Variants in FAM171A1 observed in about 807,000 individuals in gnomAD.
FAM171A1 encodes family with sequence similarity 171 member A1, also known as protein FAM171A1.
FAM171A1 carries 23 observed loss-of-function variants against 74.9 expected under a neutral mutation model. The ratio of observed to expected loss-of-function variants is 0.31; its 90% CI spans 0.22 to 0.44. FAM171A1 has a LOEUF of 0.44. FAM171A1 is among the 20% of genes least tolerant of loss of function. FAM171A1 has a pLI of 1.00. For missense variants in FAM171A1, 1,162 were observed against 1,159.2 expected (o/e 1.00, Z -0.03); for synonymous variants, 527 against 505.7 (o/e 1.04, Z -0.57).
chr10:15,243,475 T>C (rs895094449), intron 5 of FAM171A1, among the ~76,000 whole-genome samples: 4 of 152,150 alleles, frequency 2.6e-5, no homozygotes, highest in Non-Finnish European at 2.9e-5. Flanking sequence ...GAACTGTATA[T>C]AAAGTCCACC....
chr10:15,296,345 T>C (rs1384449337), intron 1 of FAM171A1, among the ~76,000 whole-genome samples: 2 of 152,118 alleles, frequency 1.3e-5, no homozygotes, highest in African/African-American at 2.4e-5. Context: ...TAACAGATTA[T>C]TTAATATGTA....
chr10:15,248,827 A>G lies in FAM171A1; in HGVS notation c.578-12T>C, dbSNP rs1284715004. On this transcript the variant is annotated splice_polypyrimidine_tract_variant and intron_variant, in intron 4 of 7. Transcript: ENST00000378116. Reference sequence around the variant, plus strand: ...CCTGGTGCTGTTTCCTAGAAGGAAGAGGCATTTTCCATCATTTGCATGCAA... The same window carrying G: ...CCTGGTGCTGTTTCCTAGAAGGAAGGGGCATTTTCCATCATTTGCATGCAA... 6.3e-7 allele frequency: 1 copy of G among 1,593,882 alleles called. No individual in the cohort carries two copies. The highest frequency in any genetic ancestry group is 1.1e-5 in the South Asian group (1 of 87,682).
At chr10:15,225,003 C>T (rs1189466841) in intron 5 of FAM171A1, among the ~76,000 whole-genome samples, 1 of 152,188 alleles carries the variant, frequency 6.6e-6, no homozygotes, top group African/African-American at 2.4e-5. Context: ...AGTGTTTTTC[C>T]AGAGGCCTTT....
intron 1 of FAM171A1, among the ~76,000 whole-genome samples, chr10:15,288,130 T>C (rs776777588): frequency 6.6e-6 from 1 of 152,248 alleles, no homozygotes; most frequent in African/African-American, 2.4e-5. Context: ...TTCCATAGTA[T>C]ATATATACCA....
intron 1 of FAM171A1, among the ~76,000 whole-genome samples, chr10:15,309,485 C>T (rs1337993708): frequency 2.0e-5 from 3 of 152,248 alleles, no homozygotes; most frequent in Admixed American, 6.5e-5. Context: ...GGATTACAAG[C>T]GTAAGCCACT....
At chr10:15,346,178 C>T (rs1835815565) in intron 1 of FAM171A1, among the ~76,000 whole-genome samples, 2 of 152,194 alleles carry the variant, frequency 1.3e-5, no homozygotes, top group African/African-American at 4.8e-5. Flanking sequence ...TCACTGCAGC[C>T]TCCAACTCCT....
At chr10:15,360,641 T>C (rs1300489094) in intron 1 of FAM171A1, among the ~76,000 whole-genome samples, 4 of 152,220 alleles carry the variant, frequency 2.6e-5, no homozygotes, top group African/African-American at 9.6e-5. Context: ...GCAAACATCA[T>C]GAATGGGTAA....
chr10:15,243,951 C>A (rs1439920849), intron 5 of FAM171A1, among the ~76,000 whole-genome samples: 6 of 152,114 alleles, frequency 3.9e-5, no homozygotes, highest in Non-Finnish European at 4.4e-5. Flanking sequence ...GAGGTTTCAC[C>A]GTGTTAGCCA....
chr10:15,299,299 T>C (rs1055952214), intron 1 of FAM171A1, among the ~76,000 whole-genome samples: 2 of 152,182 alleles, frequency 1.3e-5, no homozygotes, highest in Non-Finnish European at 2.9e-5. Flanking sequence ...AACTGCTTAG[T>C]TAATGAGCAG....
At chr10:15,247,533 A>G (rs951496625) in intron 5 of FAM171A1, among the ~76,000 whole-genome samples, 1 of 151,612 alleles carries the variant, frequency 6.6e-6, no homozygotes, top group East Asian at 1.9e-4. Context: ...CCTGGTATTC[A>G]CTCCCCTGTA....
intron 1 of FAM171A1, among the ~76,000 whole-genome samples, chr10:15,331,859 G>GTGTATATATATATATATA (rs60559617): frequency 2.2e-5 from 1 of 44,952 alleles, no homozygotes; most frequent in Non-Finnish European, 4.2e-5. Context: ...ATATATGTGT[G>GTGTATATATATATATATA]TATATATATG....
chr10:15,348,181 G>A (rs980453506), intron 1 of FAM171A1, among the ~76,000 whole-genome samples: 3 of 152,084 alleles, frequency 2.0e-5, no homozygotes, highest in African/African-American at 7.2e-5. Flanking sequence ...GTTTCACCAT[G>A]TTGGCCAGGC....
At chr10:15,309,268 G>T (rs1835331268) in intron 1 of FAM171A1, among the ~76,000 whole-genome samples, 1 of 152,282 alleles carries the variant, frequency 6.6e-6, no homozygotes, top group South Asian at 2.1e-4. Context: ...GAGTGCAGGG[G>T]CACGATCATG....
upstream of FAM171A1, among the ~76,000 whole-genome samples, chr10:15,374,114 GGTT>G (rs1193362640): frequency 6.6e-6 from 1 of 152,158 alleles, no homozygotes; most frequent in African/African-American, 2.4e-5. Context: ...TGATGGAGGT[GGTT>G]GTTATTATCG....
intron 1 of FAM171A1, among the ~76,000 whole-genome samples, chr10:15,328,393 G>T (rs536118860): frequency 6.6e-6 from 1 of 152,140 alleles, no homozygotes; most frequent in East Asian, 1.9e-4. Flanking sequence ...TGATCCACCC[G>T]CCTCGGCCTC....
intron 1 of FAM171A1, among the ~76,000 whole-genome samples, chr10:15,305,644 G>A (rs1015797510): frequency 1.7e-5 from 2 of 115,202 alleles, no homozygotes; most frequent in Non-Finnish European, 3.2e-5. Context: ...TCCAGCCTGG[G>A]TGACAGAGTG....
intron 7 of FAM171A1, among the ~76,000 whole-genome samples, chr10:15,215,512 T>C (rs1053729214): frequency 6.6e-6 from 1 of 152,020 alleles, no homozygotes; most frequent in Admixed American, 6.6e-5. Context: ...ATTATAGGCG[T>C]GTGCCACCAT....
chr10:15,213,799 C>T lies in FAM171A1; in HGVS notation c.1789G>A (p.Val597Ile). 1.2e-6 allele frequency: 2 copies of T among 1,614,154 alleles called. No individual in the cohort carries two copies. Among genetic ancestry groups the T allele is most frequent in the Non-Finnish European group, 8.5e-7 (1 of 1,180,030 alleles). The change falls in exon 8 of 8, where the codon GTC becomes ATC. Residue 597 changes from valine (V) to isoleucine (I), a missense_variant. Val to Ile is a conservative substitution (Grantham distance 29). Transcript: ENST00000378116. This position sits in a 1 kb window ranked among gnomAD's most constrained non-coding sequence, Gnocchi z 6.8. The part of the protein sequence containing the change: ...YMKLPGDHSY[V>I]SQPLVVPADQ... Reference sequence around the variant, plus strand: ...GCCGGGACGACGAGGGGCTGGCTGACATAGGAGTGGTCCCCGGGGAGTTTC... The same window carrying T: ...GCCGGGACGACGAGGGGCTGGCTGATATAGGAGTGGTCCCCGGGGAGTTTC...
intron 1 of FAM171A1, among the ~76,000 whole-genome samples, chr10:15,311,484 T>G (rs1347152916): frequency 1.3e-5 from 2 of 152,190 alleles, no homozygotes. Context: ...GTAAATGCTT[T>G]TGTTTCCTCC....
Sources: gnomAD v4.1 joint callset for allele counts (sites outside exome capture counted in the v4.1 genomes callset) on GRCh38, gnomAD v4.1.1 for gene constraint, Gnocchi (gnomAD v3.1) non-coding constraint, MANE v1.5 for transcripts, NCBI Gene and HGNC (gene_info 2026-07-23, HGNC 2026-07-21) for gene names.